Variants in COL11A1 observed in about 807,000 individuals in gnomAD.
The protein encoded by COL11A1 is collagen alpha-1(XI) chain.
COL11A1 carries 74 observed loss-of-function variants against 265.2 expected under a neutral mutation model. The observed-to-expected ratio is 0.28, with a 90% confidence interval of 0.23 to 0.34. COL11A1 has a LOEUF of 0.34. COL11A1 is among the 10% of genes least tolerant of loss of function. COL11A1 has a pLI of 1.00. For missense variants in COL11A1, 2,165 were observed against 2,263.6 expected (o/e 0.96, Z 0.88); for synonymous variants, 816 against 727.6 (o/e 1.12, Z -1.96).
intron 24 of COL11A1, among the ~76,000 whole-genome samples, chr1:102,999,739 A>C (rs1664944280): frequency 6.6e-6 from 1 of 151,874 alleles, no homozygotes; most frequent in East Asian, 1.9e-4. Flanking sequence ...TAAAATGTTA[A>C]ATTATACCAT....
In COL11A1 at chr1:102,979,439, C is replaced by T; in HGVS notation, c.2557-4G>A. On this transcript the variant is annotated splice_region_variant and splice_polypyrimidine_tract_variant and intron_variant, in intron 31 of 66. Transcript: ENST00000370096. ...ACCCAGGGAATCCAGTGGAACCCTA[C>T]AATAATAAAAGTAAATAATGAATAA... The T allele has an allele frequency of 6.3e-7, 1 of 1,594,842 alleles. No homozygotes were observed. Among genetic ancestry groups the T allele is most frequent in the Non-Finnish European group, 8.6e-7 (1 of 1,162,824 alleles).
At chr1:103,060,275 G>C (rs951899773) in intron 4 of COL11A1, among the ~76,000 whole-genome samples, 1 of 152,052 alleles carries the variant, frequency 6.6e-6, no homozygotes, top group Non-Finnish European at 1.5e-5. Context: ...AAAAGTGAAG[G>C]AGAAATATAG....
At position 102,985,020 on chromosome 1, in the gene COL11A1, TA is replaced by T. The variant is rs552176045; in HGVS notation, c.2503-830del. Among the ~76,000 whole-genome samples, 68 of 150,642 alleles carry T rather than the reference TA, an allele frequency of 4.5e-4. 1 individual carries two copies. The highest frequency in any genetic ancestry group is 4.4e-4 in the African/African-American group (18 of 41,142). ...ATTTCTATCTGAACAAAACATTAAT[TA>T]AAAAAAAACACAGGTAAAAAGATAA... On this transcript the variant is annotated intron_variant, in intron 30 of 66. Transcript: ENST00000370096.
chr1:103,102,464 G>A (rs1197811985), intron 1 of COL11A1, among the ~76,000 whole-genome samples: 1 of 151,950 alleles, frequency 6.6e-6, no homozygotes, highest in Non-Finnish European at 1.5e-5. Flanking sequence ...AAAAAGTTTG[G>A]TTTCCTCTCA....
intron 44 of COL11A1, among the ~76,000 whole-genome samples, chr1:102,937,744 C>G (rs547342780): frequency 6.6e-6 from 1 of 152,302 alleles, no homozygotes; most frequent in Admixed American, 6.5e-5. Context: ...CAAGCAGATG[C>G]CAGCCCCAGG....
chr1:103,014,617 A>G lies in COL11A1; in HGVS notation c.1489-23T>C, dbSNP rs1322157661. 4.4e-6 allele frequency: 7 copies of G among 1,595,670 alleles called. No individual in the cohort carries two copies. The African/African-American group carries it at 8.0e-5, about 18-fold the overall frequency. On this transcript the variant is annotated intron_variant, in intron 12 of 66. Transcript: ENST00000370096. ...GAACTTGGAAGAGATAACATTAAGA[A>G]ATTCAAAATTAGCTTTGTCAAACAT... is the stretch of plus-strand genomic sequence containing the variant.
chr1:103,020,996 C>A (rs1667008418), intron 9 of COL11A1, among the ~76,000 whole-genome samples: 1 of 144,538 alleles, frequency 6.9e-6, no homozygotes, highest in South Asian at 2.2e-4. Flanking sequence ...TCTTTTTATT[C>A]TTTATCATTT....
chr1:102,978,208 A>T (rs1263070429), intron 35 of COL11A1, among the ~76,000 whole-genome samples: 5 of 152,160 alleles, frequency 3.3e-5, no homozygotes, highest in Non-Finnish European at 5.9e-5. Context: ...ATTTGGCTAC[A>T]TCTTACATCA....
At chr1:103,090,010 G>A (rs1399283358) in intron 1 of COL11A1, among the ~76,000 whole-genome samples, 4 of 152,042 alleles carry the variant, frequency 2.6e-5, no homozygotes, top group African/African-American at 4.8e-5. Context: ...TGTAATCCCA[G>A]CTACTCCAAA....
chr1:102,991,608 G>C (rs917542398), intron 28 of COL11A1, among the ~76,000 whole-genome samples: 2 of 152,060 alleles, frequency 1.3e-5, no homozygotes, highest in African/African-American at 2.4e-5. Context: ...CCGAACACAA[G>C]AATCCTGCCT....
intron 41 of COL11A1, among the ~76,000 whole-genome samples, chr1:102,958,387 G>T (rs1660574645): frequency 6.6e-6 from 1 of 151,310 alleles, no homozygotes; most frequent in Non-Finnish European, 1.5e-5. Context: ...AATAAGAATT[G>T]ACATTATTAA....
chr1:102,905,955 G>A (rs753398526), intron 54 of COL11A1, among the ~76,000 whole-genome samples: 8 of 151,960 alleles, frequency 5.3e-5, no homozygotes, highest in Non-Finnish European at 1.0e-4. Context: ...TATTGCTAAC[G>A]AGCTATCATT....
chr1:102,924,253 C>A (rs1371846698), intron 46 of COL11A1, among the ~76,000 whole-genome samples: 1 of 152,012 alleles, frequency 6.6e-6, no homozygotes, highest in Non-Finnish European at 1.5e-5. Context: ...AAATCTATTT[C>A]CATTGTATTC....
At position 102,965,502 on chromosome 1, in the gene COL11A1, TC is replaced by T; in HGVS notation, c.2900del (p.Gly967GlufsTer15). The part of the protein sequence containing the change: ...QGKTGPPGPG[G>X]VVGPQGPTGE... ...AGGAACATACCTGTGGTCCAACCACTCCCCCTGGCCCAGGAGGGCCGGTCTT... is the reference window on the plus strand; with the variant it reads ...AGGAACATACCTGTGGTCCAACCACTCCCCTGGCCCAGGAGGGCCGGTCTT... On this transcript the variant is annotated frameshift_variant, in exon 38 of 67. Transcript: ENST00000370096. LOFTEE classifies it high-confidence loss of function. 1.2e-6 allele frequency: 2 copies of T among 1,613,228 alleles called. No individual in the cohort carries two copies. Among genetic ancestry groups the T allele is most frequent in the Non-Finnish European group, 1.7e-6 (2 of 1,179,426 alleles).
chr1:103,081,033 C>T (rs1339301436), intron 2 of COL11A1, among the ~76,000 whole-genome samples: 3 of 151,824 alleles, frequency 2.0e-5, no homozygotes, highest in East Asian at 1.9e-4. Context: ...ATCCTACTTG[C>T]CCTTCCCATC....
chr1:102,969,714 C>G (rs1356003929), intron 37 of COL11A1, among the ~76,000 whole-genome samples: 1 of 152,140 alleles, frequency 6.6e-6, no homozygotes, highest in Non-Finnish European at 1.5e-5. Flanking sequence ...TCCTATTTCA[C>G]ATGGAAAGAT....
chr1:103,064,413 A>G (rs114818575), intron 4 of COL11A1, among the ~76,000 whole-genome samples: 5,251 of 152,196 alleles, frequency 0.035, 326 homozygotes, highest in African/African-American at 0.12. Context: ...GAAGAGGGCC[A>G]GGCGCGGTGG....
intron 36 of COL11A1, among the ~76,000 whole-genome samples, chr1:102,973,764 T>A (rs1662198088): frequency 6.6e-6 from 1 of 152,222 alleles, no homozygotes; most frequent in African/African-American, 2.4e-5. Context: ...AATACTTTCC[T>A]AATATCTTTG....
At chr1:103,061,430 T>A (rs1391376767) in intron 4 of COL11A1, among the ~76,000 whole-genome samples, 2 of 152,134 alleles carry the variant, frequency 1.3e-5, no homozygotes, top group Admixed American at 1.3e-4. Context: ...CTATAACCAA[T>A]AACAGCAGAT....
Sources: allele counts gnomAD v4.1 joint callset (sites outside exome capture counted in the v4.1 genomes callset), GRCh38; gene constraint gnomAD v4.1.1; transcripts MANE v1.5; gene names NCBI Gene and HGNC (gene_info 2026-07-23, HGNC 2026-07-21).